Variants in MYO16 observed in about 807,000 individuals in gnomAD.
The protein encoded by MYO16 is myosin XVI.
MYO16 carries 94 observed loss-of-function variants against 205.3 expected under a neutral mutation model. The observed-to-expected ratio is 0.46, with a 90% CI of 0.39 to 0.54. The LOEUF (loss-of-function observed/expected upper bound fraction) is 0.54, where lower values mean the gene tolerates loss of function less well. Among genes scored for constraint, MYO16 ranks in the 20% least tolerant of loss-of-function variants. The probability of loss-of-function intolerance (pLI) is 0.00; values close to 1 mark genes in which losing one functional copy is unlikely to be tolerated. For missense variants in MYO16, 2,315 were observed against 2,387.5 expected (o/e 0.97, Z 0.63); for synonymous variants, 988 against 954.0 (o/e 1.04, Z -0.66).
intron 9 of MYO16, among the ~76,000 whole-genome samples, chr13:108,833,312 A>G (rs902752668): frequency 1.4e-4 from 22 of 152,078 alleles, no homozygotes; most frequent in African/African-American, 5.1e-4. Flanking sequence ...ACAGCAATTA[A>G]TTCAAATCTC....
At chr13:108,606,064 C>T (rs1209402280) in intron 1 of MYO16, among the ~76,000 whole-genome samples, 1 of 152,132 alleles carries the variant, frequency 6.6e-6, no homozygotes, top group Non-Finnish European at 1.5e-5. Context: ...GCATTTTTCC[C>T]CTGCCCTAGA....
At chr13:108,844,615 G>T in intron 10 of MYO16, 122 bp downstream of exon 10, 4 of 979,874 alleles carry the variant, frequency 4.1e-6, no homozygotes, top group East Asian at 5.4e-5. Context: ...TTAATGCATA[G>T]ATTAATATTT....
intron 25 of MYO16, among the ~76,000 whole-genome samples, chr13:109,053,005 A>C (rs79324841): frequency 0.041 from 6,280 of 152,188 alleles, 167 homozygotes; most frequent in South Asian, 0.056. Flanking sequence ...GTATACACAA[A>C]CTCAAGATTC....
intron 15 of MYO16, among the ~76,000 whole-genome samples, chr13:108,905,655 T>A (rs1158231918): frequency 6.6e-6 from 1 of 152,194 alleles, no homozygotes; most frequent in Non-Finnish European, 1.5e-5. Flanking sequence ...TGAAGGACTT[T>A]TAGAAGGTCA....
intron 27 of MYO16, among the ~76,000 whole-genome samples, chr13:109,072,200 G>T (rs377576794): frequency 6.6e-6 from 1 of 152,210 alleles, no homozygotes. Context: ...ATCTCTCAAG[G>T]CGCATGTTCA....
At chr13:108,755,452 A>G (rs762705418) in intron 4 of MYO16, among the ~76,000 whole-genome samples, 2 of 152,106 alleles carry the variant, frequency 1.3e-5, no homozygotes, top group Non-Finnish European at 1.5e-5. Flanking sequence ...TACTACCAGT[A>G]TATTTTTGAG....
intron 4 of MYO16, among the ~76,000 whole-genome samples, chr13:108,729,114 A>G (rs1016375158): frequency 3.3e-5 from 5 of 152,110 alleles, no homozygotes; most frequent in Non-Finnish European, 4.4e-5. Flanking sequence ...AAATTTTTAG[A>G]GGGCTAGTAC....
chr13:108,898,152 A>G lies in MYO16; in HGVS notation c.1777+19A>G. 6.3e-7 allele frequency: 1 copy of G among 1,577,254 alleles called. No homozygotes were observed. Among genetic ancestry groups the G allele is most frequent in the Non-Finnish European group, 8.7e-7 (1 of 1,146,626 alleles). ...ACCGGAGGTAAGTGCAGTATTTGAC[A>G]ACGTGGATTTCCTGTGCCGAGCCAG... On this transcript the variant is annotated intron_variant, in intron 15 of 34. Transcript: ENST00000457511.
At position 109,127,859 on chromosome 13, in the gene MYO16, T is replaced by TAAA. The variant is rs34317737; in HGVS notation, c.4051+326_4051+328dup. ...ATGTAAAGGTTCACCAATGAGAAAG[T>TAAA]AAAAAAAAAAAAAAAAAAACTGCTT... is the stretch of plus-strand genomic sequence containing the variant. On this transcript the variant is annotated intron_variant, in intron 31 of 34. Coordinates refer to ENST00000457511, the MANE Select transcript of MYO16 (RefSeq NM_001198950.3). The surrounding 1 kb of genome is among the most constrained non-coding windows in gnomAD (Gnocchi z 4.2). Among the ~76,000 whole-genome samples the TAAA allele has an allele frequency of 7.5e-6, 1 of 132,660 alleles. No homozygotes were observed. The highest frequency in any genetic ancestry group is 2.8e-5 in the African/African-American group (1 of 35,380). 87.0% of individuals were successfully genotyped at this position (132,660 alleles called of 152,430 possible).
At chr13:109,057,412 A>C (rs186976963) in intron 27 of MYO16, among the ~76,000 whole-genome samples, 1 of 152,192 alleles carries the variant, frequency 6.6e-6, no homozygotes, top group Non-Finnish European at 1.5e-5. Context: ...TGTAAATGAG[A>C]TAATAGACAT....
At chr13:108,558,251 G>T in the MYO16 span, among the ~76,000 whole-genome samples, 3 of 152,170 alleles carry the variant, frequency 2.0e-5, no homozygotes, top group Admixed American at 6.5e-5. Context: ...TTACATGGAA[G>T]TCGAATTGGC....
intron 34 of MYO16, among the ~76,000 whole-genome samples, chr13:109,203,100 G>T (rs897608649): frequency 4.6e-5 from 7 of 152,260 alleles, no homozygotes; most frequent in African/African-American, 1.7e-4. Context: ...AATTCTAAAA[G>T]ATCACATCAG....
intron 27 of MYO16, among the ~76,000 whole-genome samples, chr13:109,086,446 G>C (rs1158239533): frequency 6.6e-6 from 1 of 152,186 alleles, no homozygotes; most frequent in African/African-American, 2.4e-5. Context: ...TGATATATTA[G>C]TGGATATTAA....
At chr13:108,879,938 C>T (rs1377778253) in intron 12 of MYO16, among the ~76,000 whole-genome samples, 1 of 152,228 alleles carries the variant, frequency 6.6e-6, no homozygotes, top group Non-Finnish European at 1.5e-5. Flanking sequence ...AATGGCCACA[C>T]TGTCTTCCAC....
At chr13:108,687,372 T>C (rs1054932301) in intron 2 of MYO16, among the ~76,000 whole-genome samples, 5 of 152,146 alleles carry the variant, frequency 3.3e-5, no homozygotes, top group Non-Finnish European at 5.9e-5. Flanking sequence ...GTCCCTCCTG[T>C]GTGTTCCAGG....
At chr13:108,659,415 C>A in intron 1 of MYO16, 1 of 417,838 alleles carries the variant, frequency 2.4e-6, no homozygotes, top group Non-Finnish European at 4.8e-6. Context: ...AAGTTTAGTC[C>A]TACAGAGGTA....
chr13:108,699,365 T>G (rs1218629565), intron 2 of MYO16, among the ~76,000 whole-genome samples: 2 of 152,230 alleles, frequency 1.3e-5, no homozygotes, highest in African/African-American at 2.4e-5. Flanking sequence ...AAATTCCAGA[T>G]TAGTAGTTAT....
chr13:108,536,661 T>G, the MYO16 span, among the ~76,000 whole-genome samples: 2 of 152,136 alleles, frequency 1.3e-5, no homozygotes, highest in African/African-American at 4.8e-5. Flanking sequence ...GACAATAACT[T>G]TGGAAATGTT....
rs1566371415 is a variant in MYO16, at chr13:108,855,324, A to G, written c.1249-119A>G. Reference sequence around the variant, plus strand: ...TTGAACCATTTCATCTCTTAATAACAGTTCCTAACTCAGGTTGTCTTCAAA... The same window carrying G: ...TTGAACCATTTCATCTCTTAATAACGGTTCCTAACTCAGGTTGTCTTCAAA... On this transcript the variant is annotated intron_variant, in intron 10 of 34. Transcript: ENST00000457511. 1.0e-5 allele frequency: 5 copies of G among 491,184 alleles called. No homozygotes were observed. The East Asian group carries it at 1.5e-4, about 15-fold the overall frequency. The allele number at this position is 491,184 out of a possible 1,614,324, so 30.4% of individuals were successfully genotyped here. A position where few individuals can be genotyped will look rare whatever the true frequency, so the allele number is the denominator to read the frequency against.
Sources: gnomAD v4.1 joint callset for allele counts (sites outside exome capture counted in the v4.1 genomes callset) on GRCh38, gnomAD v4.1.1 for gene constraint, Gnocchi (gnomAD v3.1) non-coding constraint, MANE v1.5 for transcripts, NCBI Gene and HGNC (gene_info 2026-07-23, HGNC 2026-07-21) for gene names.